The following XNDC1N variants were observed in gnomAD, a reference collection of about 807,000 sequenced individuals.
XNDC1N encodes the protein XRCC1 N-terminal domain containing 1, N-terminal like.
the XNDC1N span, among the ~76,000 whole-genome samples, chr11:71,891,964 T>C: frequency 2.6e-5 from 4 of 151,452 alleles, no homozygotes; most frequent in Admixed American, 6.6e-5. Flanking sequence ...AAGAACAATA[T>C]CCCGGCGGGA....
At chr11:71,922,679 G>A in the XNDC1N span, among the ~76,000 whole-genome samples, 1 of 152,192 alleles carries the variant, frequency 6.6e-6, no homozygotes, top group African/African-American at 2.4e-5. Flanking sequence ...GGGATGCTAA[G>A]TATCTCATCA....
the XNDC1N span, among the ~76,000 whole-genome samples, chr11:71,889,884 G>C: frequency 6.6e-6 from 1 of 152,294 alleles, no homozygotes; most frequent in East Asian, 1.9e-4. Flanking sequence ...CACGAACAGA[G>C]AAATCTCGTG....
chr11:71,884,270 C>T, the XNDC1N span: 1 of 1,045,488 alleles, frequency 9.6e-7, no homozygotes. Context: ...CACTTTTTCT[C>T]TTGCATTCTT....
the XNDC1N span, among the ~76,000 whole-genome samples, chr11:71,911,805 T>A: frequency 6.6e-6 from 1 of 152,204 alleles, no homozygotes; most frequent in South Asian, 2.1e-4. Flanking sequence ...ACCAGCGAGC[T>A]TCCATCTTGC....
At chr11:71,909,745 G>A in the XNDC1N span, among the ~76,000 whole-genome samples, 1 of 152,182 alleles carries the variant, frequency 6.6e-6, no homozygotes, top group African/African-American at 2.4e-5. Flanking sequence ...GACTTGTACT[G>A]TAGGAGGACA....
At chr11:71,893,559 G>C in the XNDC1N span, 12 of 931,128 alleles carry the variant, frequency 1.3e-5, no homozygotes, top group Non-Finnish European at 1.8e-5. Context: ...TGCTGTCCCT[G>C]TCCCTGTCCA....
chr11:71,870,000 G>T, the XNDC1N span, among the ~76,000 whole-genome samples: 3 of 152,138 alleles, frequency 2.0e-5, no homozygotes, highest in African/African-American at 7.2e-5. Flanking sequence ...TGTTAGGCTG[G>T]GGAGGCCTAA....
chr11:71,916,440 C>T, the XNDC1N span, among the ~76,000 whole-genome samples: 1 of 152,194 alleles, frequency 6.6e-6, no homozygotes, highest in African/African-American at 2.4e-5. Context: ...GCAGGCCAGT[C>T]AGGGCCTTCT....
chr11:71,901,566 T>G, the XNDC1N span, among the ~76,000 whole-genome samples: 4,263 of 151,740 alleles, frequency 0.028, 74 homozygotes, highest in East Asian at 0.078. Flanking sequence ...TCCACTGCAC[T>G]CCAGCCTGGG....
At chr11:71,867,442 A>G in the XNDC1N span, among the ~76,000 whole-genome samples, 143 of 152,286 alleles carry the variant, frequency 9.4e-4, no homozygotes, top group African/African-American at 3.3e-3. Context: ...GAGTAGGCTC[A>G]CCAGTCATAG....
chr11:71,913,665 T>TA, the XNDC1N span, among the ~76,000 whole-genome samples: 149 of 105,314 alleles, frequency 1.4e-3, 1 homozygote, highest in East Asian at 3.7e-3. Flanking sequence ...TCTCAAAAGA[T>TA]AAAAAAAAAA....
At chr11:71,925,057 GTTCT>G in the XNDC1N span, among the ~76,000 whole-genome samples, 1 of 151,636 alleles carries the variant, frequency 6.6e-6, no homozygotes, top group Admixed American at 6.6e-5. Flanking sequence ...TGCTTGGAAT[GTTCT>G]TTCTCTTTCC....
At chr11:71,876,437 A>T in the XNDC1N span, among the ~76,000 whole-genome samples, 1 of 152,154 alleles carries the variant, frequency 6.6e-6, no homozygotes, top group African/African-American at 2.4e-5. Context: ...CACCCCCAGA[A>T]TGCAGTGAAC....
the XNDC1N span, among the ~76,000 whole-genome samples, chr11:71,900,071 A>T: frequency 3.4e-3 from 498 of 147,732 alleles, 1 homozygote; most frequent in South Asian, 0.022. Context: ...ATGTCCAATC[A>T]TAGTACCTTC....
the XNDC1N span, among the ~76,000 whole-genome samples, chr11:71,881,254 C>T: frequency 1.3e-5 from 2 of 152,146 alleles, no homozygotes; most frequent in African/African-American, 4.8e-5. Context: ...GCCCTTTTAT[C>T]ATTATATGAT....
At chr11:71,913,172 T>C in the XNDC1N span, among the ~76,000 whole-genome samples, 1 of 152,044 alleles carries the variant, frequency 6.6e-6, no homozygotes, top group Non-Finnish European at 1.5e-5. Flanking sequence ...TCACAGGGTT[T>C]TGTACCCCAC....
the XNDC1N span, among the ~76,000 whole-genome samples, chr11:71,906,313 C>T: frequency 1.3e-5 from 2 of 151,926 alleles, no homozygotes; most frequent in African/African-American, 2.4e-5. Context: ...AGGGTGTACA[C>T]CCCTGTGACA....
the XNDC1N span, among the ~76,000 whole-genome samples, chr11:71,906,475 T>A: frequency 6.6e-6 from 1 of 152,006 alleles, no homozygotes; most frequent in African/African-American, 2.4e-5. Context: ...CCCGAGGATA[T>A]AAGGAATAAT....
the XNDC1N span, among the ~76,000 whole-genome samples, chr11:71,893,177 G>A: frequency 6.5e-4 from 99 of 152,284 alleles, no homozygotes; most frequent in African/African-American, 1.9e-3. Context: ...AGAGTAGGCC[G>A]TATTTTACTG....
Sources: allele counts gnomAD v4.1 joint callset (sites outside exome capture counted in the v4.1 genomes callset), GRCh38; gene constraint gnomAD v4.1.1; transcripts MANE v1.5; gene names NCBI Gene and HGNC (gene_info 2026-07-23, HGNC 2026-07-21).